FNDC3B: variants seen among roughly 807,000 people sequenced by gnomAD.
FNDC3B encodes the protein fibronectin type III domain-containing protein 3B.
In FNDC3B, 12 loss-of-function variants were observed where a neutral mutation model predicts 151.5. The ratio of observed to expected loss-of-function variants is 0.08; its 90% CI spans 0.05 to 0.13. FNDC3B has a LOEUF of 0.13. Ranked by LOEUF, FNDC3B falls within the 10% of genes least tolerant of loss-of-function variation. FNDC3B has a pLI of 1.00. For missense variants in FNDC3B, 1,214 were observed against 1,505.3 expected (o/e 0.81, Z 3.20); for synonymous variants, 528 against 549.0 (o/e 0.96, Z 0.54).
intron 23 of FNDC3B, among the ~76,000 whole-genome samples, chr3:172,372,233 T>G (rs1015548811): frequency 2.6e-4 from 40 of 152,320 alleles, no homozygotes; most frequent in African/African-American, 9.6e-4. Context: ...GCTTGTCCTC[T>G]TCTTGGTCCT....
rs576922404 is a variant in FNDC3B, at chr3:172,352,055, G to A, written c.2515-748G>A. ...CGACATCTCCAAATGTTTGAGTAGA[G>A]GTAGAAAAGAGGAGGTACCGAAGTA... On this transcript the variant is annotated intron_variant, in intron 21 of 25. Coordinates refer to ENST00000415807, the MANE Select transcript of FNDC3B (RefSeq NM_022763.4). This position sits in a 1 kb window ranked among gnomAD's most constrained non-coding sequence, Gnocchi z 4.2. Among the ~76,000 whole-genome samples, 4 of 152,244 alleles carry A rather than the reference G, an allele frequency of 2.6e-5. No homozygotes were observed. The South Asian group carries it at 8.3e-4, about 32-fold the overall frequency.
At chr3:172,242,041 CAT>C (rs1727521610) in intron 4 of FNDC3B, among the ~76,000 whole-genome samples, 1 of 152,230 alleles carries the variant, frequency 6.6e-6, no homozygotes, top group South Asian at 2.1e-4. Context: ...CTACAGGCCC[CAT>C]ACAAATCCAA....
At chr3:172,237,201 T>C (rs2108755546) in intron 4 of FNDC3B, 1 of 152,406 alleles carries the variant, frequency 6.6e-6, no homozygotes, top group South Asian at 2.1e-4. Flanking sequence ...GTACCTTCAG[T>C]ACCTTCAGCT....
At chr3:172,107,962 G>A (rs1719742512) in intron 1 of FNDC3B, among the ~76,000 whole-genome samples, 1 of 152,154 alleles carries the variant, frequency 6.6e-6, no homozygotes, top group South Asian at 2.1e-4. Flanking sequence ...AAGGTCAGGA[G>A]TTCGAGACCA....
intron 6 of FNDC3B, among the ~76,000 whole-genome samples, chr3:172,280,527 A>G (rs1452175270): frequency 6.6e-6 from 1 of 152,220 alleles, no homozygotes; most frequent in Non-Finnish European, 1.5e-5. Context: ...GAGAAAGCAT[A>G]TGATGTTATG....
In FNDC3B at chr3:172,213,340, C is replaced by T. The variant is rs562901632; in HGVS notation, c.188-13531C>T. 3.7e-3 allele frequency among the ~76,000 whole-genome samples: 569 copies of T among 152,282 alleles called. 3 individuals are homozygous for T. Among genetic ancestry groups the T allele is most frequent in the African/African-American group, 0.013 (535 of 41,546 alleles). Reference sequence around the variant, plus strand: ...TTGGACCTCAGGCCATGTGAGCATACGCACATGGGAACATGGGGATTCTTT... The same window carrying T: ...TTGGACCTCAGGCCATGTGAGCATATGCACATGGGAACATGGGGATTCTTT... On this transcript the variant is annotated intron_variant, in intron 3 of 25. Coordinates refer to ENST00000415807, the MANE Select transcript of FNDC3B (RefSeq NM_022763.4).
At chr3:172,042,828 TAA>T (rs1716153222) in intron 1 of FNDC3B, among the ~76,000 whole-genome samples, 1 of 149,082 alleles carries the variant, frequency 6.7e-6, no homozygotes, top group African/African-American at 2.5e-5. Context: ...AACAACAGTT[TAA>T]GTTTTTTTTT....
At chr3:172,041,054 C>T (rs951174196) in intron 1 of FNDC3B, among the ~76,000 whole-genome samples, 1 of 152,154 alleles carries the variant, frequency 6.6e-6, no homozygotes, top group Non-Finnish European at 1.5e-5. Flanking sequence ...TTTTTGTTTT[C>T]TTTTCTCCTC....
At chr3:172,258,519 A>G (rs1728485873) in intron 6 of FNDC3B, among the ~76,000 whole-genome samples, 1 of 152,168 alleles carries the variant, frequency 6.6e-6, no homozygotes. Flanking sequence ...ATTCACAATA[A>G]CAGTAATTAT....
At chr3:172,212,682 C>CT (rs1273448930) in intron 3 of FNDC3B, among the ~76,000 whole-genome samples, 3 of 152,218 alleles carry the variant, frequency 2.0e-5, no homozygotes, top group African/African-American at 7.2e-5. Context: ...GAAGGAAGCA[C>CT]AGAAATTATC....
chr3:172,087,559 A>G (rs553132469), intron 1 of FNDC3B, among the ~76,000 whole-genome samples: 90 of 152,328 alleles, frequency 5.9e-4, no homozygotes, highest in Non-Finnish European at 9.4e-4. Flanking sequence ...TTATCCTGCC[A>G]TTAATCAGTG....
At chr3:172,373,008 C>T (rs1331123679) in intron 23 of FNDC3B, among the ~76,000 whole-genome samples, 1 of 152,172 alleles carries the variant, frequency 6.6e-6, no homozygotes, top group Admixed American at 6.5e-5. Flanking sequence ...CTGTGCTCCA[C>T]TTCCTCCACC....
chr3:172,270,892 A>T (rs368788807), intron 6 of FNDC3B, among the ~76,000 whole-genome samples: 1 of 152,226 alleles, frequency 6.6e-6, no homozygotes, highest in South Asian at 2.1e-4. Flanking sequence ...CAGATAGTTC[A>T]TTATGTGTGC....
At chr3:172,389,679 C>T (rs1178304358) in intron 25 of FNDC3B, among the ~76,000 whole-genome samples, 1 of 151,982 alleles carries the variant, frequency 6.6e-6, no homozygotes, top group Non-Finnish European at 1.5e-5. Context: ...TCCTGGCTAA[C>T]ACAGTGAAAC....
intron 7 of FNDC3B, among the ~76,000 whole-genome samples, chr3:172,294,566 T>C (rs138704633): frequency 7.9e-5 from 12 of 152,232 alleles, no homozygotes; most frequent in Non-Finnish European, 1.3e-4. Flanking sequence ...TCCTCCAAGA[T>C]TGGGGATTGC....
rs4295191 is a variant in FNDC3B, at chr3:172,171,466, G to A, written c.187+37920G>A. Among the ~76,000 whole-genome samples, 3 of 152,084 alleles carry A rather than the reference G, an allele frequency of 2.0e-5. No homozygotes were observed. In the East Asian group the frequency reaches 5.8e-4, roughly 29 times the overall value. The stretch of plus-strand genomic sequence containing the variant: ...CTCTATTCTTTTTATTAAAGAATGG[G>A]GTATCTTTTTAAAACTCTCTTTGCA... On this transcript the variant is annotated intron_variant, in intron 3 of 25. Transcript: ENST00000415807.
chr3:172,267,874 A>G (rs1729005630), intron 6 of FNDC3B, among the ~76,000 whole-genome samples: 1 of 152,214 alleles, frequency 6.6e-6, no homozygotes, highest in Non-Finnish European at 1.5e-5. Flanking sequence ...TAATGTTATA[A>G]TAGATTGATT....
intron 2 of FNDC3B, among the ~76,000 whole-genome samples, chr3:172,124,304 T>G (rs140661493): frequency 6.6e-6 from 1 of 152,240 alleles, no homozygotes; most frequent in Non-Finnish European, 1.5e-5. Context: ...TTGGCCAGTC[T>G]GGTCTCGAAG....
intron 7 of FNDC3B, among the ~76,000 whole-genome samples, chr3:172,288,465 A>G (rs1730137383): frequency 6.6e-6 from 1 of 152,240 alleles, no homozygotes; most frequent in Non-Finnish European, 1.5e-5. Context: ...GTCAAAAGAT[A>G]ACATTTCCAT....
Sources: allele counts gnomAD v4.1 joint callset (sites outside exome capture counted in the v4.1 genomes callset), GRCh38; gene constraint gnomAD v4.1.1; non-coding constraint Gnocchi (gnomAD v3.1); transcripts MANE v1.5; gene names NCBI Gene and HGNC (gene_info 2026-07-23, HGNC 2026-07-21).